Variants in TACC1 observed in about 807,000 individuals in gnomAD.
TACC1 encodes transforming acidic coiled-coil-containing protein 1.
A neutral mutation model predicts 84.4 loss-of-function variants in TACC1; 48 were observed. The ratio of observed to expected loss-of-function variants is 0.57; its 90% CI spans 0.45 to 0.72. The LOEUF is 0.72. Ranked by LOEUF, TACC1 falls within the 30% of genes least tolerant of loss-of-function variation. The probability of loss-of-function intolerance (pLI) is 0.00; values close to 1 mark genes in which losing one functional copy is unlikely to be tolerated. For missense variants in TACC1, 920 were observed against 973.0 expected, an observed-to-expected ratio of 0.95 and a Z score of 0.72; for synonymous variants, 372 against 376.3, an observed-to-expected ratio of 0.99 and a Z score of 0.13.
chr8:38,830,341 C>G (rs1472706522), intron 5 of TACC1, among the ~76,000 whole-genome samples: 3 of 152,142 alleles, frequency 2.0e-5, no homozygotes, highest in Non-Finnish European at 4.4e-5. Context: ...GTGGCGCTAT[C>G]TCAACTCACT....
intron 3 of TACC1, among the ~76,000 whole-genome samples, chr8:38,753,494 C>T (rs1809404282): frequency 2.0e-5 from 3 of 152,218 alleles, no homozygotes; most frequent in Non-Finnish European, 4.4e-5. Flanking sequence ...CAGTCTATGC[C>T]TTTCTTGGAG....
chr8:38,839,678 A>T, intron 8 of TACC1: 1 of 206,182 alleles, frequency 4.9e-6, no homozygotes, highest in Non-Finnish European at 9.7e-6. Context: ...CTGGGTCAGA[A>T]GGACATTGTC....
chr8:38,731,737 A>AAAC (rs56770897), intron 1 of TACC1, among the ~76,000 whole-genome samples: 58,592 of 132,982 alleles, frequency 0.44, 12,085 homozygotes, highest in East Asian at 0.83. Context: ...ATAAAACTGA[A>AAAC]AACAACAACA....
chr8:38,840,059 T>TAA (rs11440274), intron 8 of TACC1, 165 bp from the exon 9 acceptor site: 2,712 of 188,758 alleles, frequency 0.014, 10 homozygotes, highest in South Asian at 0.024. Context: ...TTATATAATG[T>TAA]AAAAAAAAAA....
Position 38,819,857 on chromosome 8 carries a change from C to G in TACC1, c.613C>G (p.Leu205Val), listed in dbSNP as rs745650022. 2.5e-6 allele frequency: 4 copies of G among 1,613,944 alleles called. No homozygotes were observed. The highest frequency in any genetic ancestry group is 3.4e-6 in the Non-Finnish European group (4 of 1,180,038). ...AMTEGSMGVT[L>V]EASAEADLKA... ...GACAGAAGGCAGCATGGGGGTCACC[C>G]TCGAGGCCTCCGCAGAAGCTGATCT... is the stretch of plus-strand genomic sequence containing the variant. Residue 205 changes from leucine (L) to valine (V), a missense_variant, in exon 3 of 13, where the codon CTC becomes GTC. Physicochemically the swap from Leu to Val is conservative, Grantham distance 32 (BLOSUM62 1). Transcript: ENST00000317827.
In TACC1 at chr8:38,851,708, T is replaced by A. The variant is rs569569370; in HGVS notation, c.*3685T>A. ...TTGCATTTCTGACTTTATCCTGTTGTTAGGAAGATAGAAACTAGGTTTTGA... is the reference window on the plus strand; with the variant it reads ...TTGCATTTCTGACTTTATCCTGTTGATAGGAAGATAGAAACTAGGTTTTGA... On this transcript the variant is annotated 3_prime_UTR_variant, in exon 13 of 13. Transcript: ENST00000317827. 3.2e-6 allele frequency: 1 copy of A among 311,686 alleles called. No individual in the cohort carries two copies. Among genetic ancestry groups the A allele is most frequent in the Non-Finnish European group, 6.4e-6 (1 of 155,310 alleles). The allele number at this position is 311,686 out of a possible 1,614,324, so 19.3% of individuals were successfully genotyped here.
At chr8:38,766,770 G>A (rs1237239473) in intron 3 of TACC1, among the ~76,000 whole-genome samples, 2 of 152,172 alleles carry the variant, frequency 1.3e-5, no homozygotes, top group Non-Finnish European at 2.9e-5. Flanking sequence ...CTGAGGCCTG[G>A]AAAAGTTGAG....
At chr8:38,741,451 G>C (rs573636281) in intron 1 of TACC1, among the ~76,000 whole-genome samples, 1 of 152,118 alleles carries the variant, frequency 6.6e-6, no homozygotes, top group East Asian at 1.9e-4. Context: ...GAGCCGCCGC[G>C]CCTGGCCCAT....
rs369952487 is a variant in TACC1, at chr8:38,847,924, G to C, written c.2350-31G>C. On this transcript the variant is annotated intron_variant, in intron 12 of 12. Transcript: ENST00000317827. ...TTGCCTTTATTTCAGAATACAAAGT[G>C]GCCTGCATAATTATGTCATTTGTCT... 11 of 1,587,864 alleles carry C rather than the reference G, an allele frequency of 6.9e-6. No homozygotes were observed. In the African/African-American group the frequency reaches 1.5e-4, roughly 21 times the overall value.
intron 2 of TACC1, among the ~76,000 whole-genome samples, chr8:38,794,831 T>C (rs1819599961): frequency 6.6e-6 from 1 of 152,216 alleles, no homozygotes; most frequent in Non-Finnish European, 1.5e-5. Flanking sequence ...GGACCTTTCA[T>C]ATTACCTAGT....
Position 38,849,490 on chromosome 8 carries a change from A to T in TACC1, c.*1467A>T, listed in dbSNP as rs1353291804. ...AAGTCTTCATGGTGATATGCACTAT[A>T]TTCAGTATACGTATGTTTTCCTACT... On this transcript the variant is annotated 3_prime_UTR_variant, in exon 13 of 13. Coordinates refer to ENST00000317827, the MANE Select transcript of TACC1 (RefSeq NM_006283.3). The T allele has an allele frequency of 1.3e-5, 2 of 152,236 alleles. No individual in the cohort carries two copies. Among genetic ancestry groups the T allele is most frequent in the Non-Finnish European group, 1.5e-5 (1 of 68,042 alleles). The allele number at this position is 152,236 out of a possible 1,614,324, so 9.4% of individuals were successfully genotyped here. A position where few individuals can be genotyped will look rare whatever the true frequency, so the allele number is the denominator to read the frequency against.
At chr8:38,740,295 G>T (rs1806812866) in intron 1 of TACC1, among the ~76,000 whole-genome samples, 2 of 152,134 alleles carry the variant, frequency 1.3e-5, no homozygotes, top group African/African-American at 2.4e-5. Flanking sequence ...CACACATTCA[G>T]CCCACTTTGC....
intron 2 of TACC1, among the ~76,000 whole-genome samples, chr8:38,743,103 T>G (rs73611010): frequency 0.089 from 13,628 of 152,280 alleles, 694 homozygotes; most frequent in South Asian, 0.11. Flanking sequence ...AGTCAGTTTC[T>G]TATTTTTTAT....
intron 2 of TACC1, among the ~76,000 whole-genome samples, chr8:38,789,882 G>C (rs968855168): frequency 6.6e-6 from 1 of 152,212 alleles, no homozygotes; most frequent in African/African-American, 2.4e-5. Flanking sequence ...GCTGAAGTCA[G>C]CGTGGTCAGA....
At chr8:38,828,594 C>G (rs1828614006) in intron 5 of TACC1, among the ~76,000 whole-genome samples, 1 of 152,112 alleles carries the variant, frequency 6.6e-6, no homozygotes, top group Non-Finnish European at 1.5e-5. Context: ...CTGTGTCTTT[C>G]AGGATAAGGA....
chr8:38,771,384 C>T (rs544361368), intron 3 of TACC1, among the ~76,000 whole-genome samples: 1 of 152,116 alleles, frequency 6.6e-6, no homozygotes, highest in Non-Finnish European at 1.5e-5. Context: ...GAGTTTGGCG[C>T]TCGAGACACC....
At chr8:38,840,043 GA>G (rs1157505212) in intron 8 of TACC1, 180 bp from the exon 9 acceptor site, 2 of 324,716 alleles carry the variant, frequency 6.2e-6, no homozygotes, top group Non-Finnish European at 1.0e-5. Flanking sequence ...AGAACCTTAA[GA>G]AACCTTATAT....
At chr8:38,783,769 T>C (rs1235737249), upstream of TACC1, among the ~76,000 whole-genome samples, 1 of 152,212 alleles carries the variant, frequency 6.6e-6, no homozygotes, top group East Asian at 1.9e-4. Flanking sequence ...TTTTAAAAAA[T>C]TAGAAAGGAG....
intron 1 of TACC1, among the ~76,000 whole-genome samples, chr8:38,731,591 T>A (rs1804927724): frequency 6.6e-6 from 1 of 152,178 alleles, no homozygotes; most frequent in Non-Finnish European, 1.5e-5. Flanking sequence ...TTTGAAACTA[T>A]AAAATGCACA....
Sources: allele counts gnomAD v4.1 joint callset (sites outside exome capture counted in the v4.1 genomes callset), GRCh38; gene constraint gnomAD v4.1.1; transcripts MANE v1.5; gene names NCBI Gene and HGNC (gene_info 2026-07-23, HGNC 2026-07-21).